The following SRGAP3 variants were observed in gnomAD, a reference collection of about 807,000 sequenced individuals.
SRGAP3 encodes SLIT-ROBO Rho GTPase-activating protein 3.
SRGAP3 carries 39 observed loss-of-function variants against 121.1 expected under a neutral mutation model. That is an observed-to-expected ratio of 0.32 (90% confidence interval 0.25 to 0.42). SRGAP3 has a LOEUF of 0.42. Among genes scored for constraint, SRGAP3 ranks in the 10% least tolerant of loss-of-function variants. The pLI is 1.00. For synonymous variants in SRGAP3, 601 were observed against 570.0 expected, an observed-to-expected ratio of 1.05 and a Z score of -0.77; for missense variants, 1,213 against 1,470.6, an observed-to-expected ratio of 0.82 and a Z score of 2.86.
rs1469603749 is a variant in SRGAP3, at chr3:9,053,241, G to T, written c.1126-17C>A. 2 of 1,610,904 alleles carry T rather than the reference G, an allele frequency of 1.2e-6. No individual in the cohort carries two copies. The highest frequency in any genetic ancestry group is 8.5e-7 in the Non-Finnish European group (1 of 1,178,310). On this transcript the variant is annotated splice_polypyrimidine_tract_variant and intron_variant, in intron 8 of 21. Transcript: ENST00000383836. ...TTTCCTAACCTGGGGAAACACAGCA[G>T]ATTGACAAAAATCCTGTATTCTCAT...
chr3:9,205,337 T>C (rs1204199423), intron 1 of SRGAP3, among the ~76,000 whole-genome samples: 1 of 152,270 alleles, frequency 6.6e-6, no homozygotes, highest in African/African-American at 2.4e-5. Context: ...TTATTTGTAT[T>C]AAGTTCTCAG....
chr3:9,120,141 A>T (rs1237222663), intron 2 of SRGAP3, among the ~76,000 whole-genome samples: 1 of 152,246 alleles, frequency 6.6e-6, no homozygotes, highest in African/African-American at 2.4e-5. Context: ...TCACCACAGC[A>T]GGAACCAAGT....
intron 1 of SRGAP3, chr3:9,349,178 A>T: frequency 1.4e-6 from 1 of 721,404 alleles, no homozygotes. Context: ...TGCCCAGGGT[A>T]AGGCCAAGAA....
chr3:9,217,328 CT>C (rs1468203555), intron 1 of SRGAP3: 1 of 152,144 alleles, frequency 6.6e-6, no homozygotes, highest in Non-Finnish European at 1.5e-5. Flanking sequence ...AATTTAACTA[CT>C]TTAACTATTA....
intron 4 of SRGAP3, among the ~76,000 whole-genome samples, chr3:9,068,519 A>G (rs1292383405): frequency 6.6e-6 from 1 of 152,148 alleles, no homozygotes; most frequent in African/African-American, 2.4e-5. Context: ...GATCTACTCG[A>G]TTCCTGATTC....
chr3:9,033,022 G>A (rs1944570603), intron 11 of SRGAP3, among the ~76,000 whole-genome samples: 1 of 152,166 alleles, frequency 6.6e-6, no homozygotes. Flanking sequence ...ACATGTGCAA[G>A]AAACCACTGA....
At chr3:9,138,931 A>ACTT (rs879369935) in intron 1 of SRGAP3, among the ~76,000 whole-genome samples, 3,001 of 152,288 alleles carry the variant, frequency 0.02, 90 homozygotes, top group African/African-American at 0.065. Flanking sequence ...TCAGATAAGG[A>ACTT]ATACTCAACC....
At chr3:9,354,630 C>T (rs2030391668) in intron 1 of SRGAP3, among the ~76,000 whole-genome samples, 1 of 145,208 alleles carries the variant, frequency 6.9e-6, no homozygotes, top group Admixed American at 7.1e-5. Context: ...TGCAGTGAGC[C>T]GAGATTGCGC....
chr3:9,341,938 T>C (rs534143938), intron 1 of SRGAP3, among the ~76,000 whole-genome samples: 1 of 152,292 alleles, frequency 6.6e-6, no homozygotes, highest in Non-Finnish European at 1.5e-5. Flanking sequence ...ACCCTACAGA[T>C]CACTGACTCA....
intron 1 of SRGAP3, among the ~76,000 whole-genome samples, chr3:9,163,398 G>A (rs1258171095): frequency 6.6e-6 from 1 of 152,208 alleles, no homozygotes; most frequent in African/African-American, 2.4e-5. Context: ...TCAAAAACAA[G>A]CAGACGGTGC....
At chr3:9,308,592 T>C (rs1453500483) in intron 3 of SRGAP3, among the ~76,000 whole-genome samples, 1 of 152,176 alleles carries the variant, frequency 6.6e-6, no homozygotes, top group African/African-American at 2.4e-5. Context: ...AAAATGTGTA[T>C]ATAGGTGGAA....
intron 5 of SRGAP3, among the ~76,000 whole-genome samples, chr3:9,062,084 AC>A (rs34900465): frequency 0.67 from 101,592 of 152,004 alleles, 34,201 homozygotes; most frequent in Middle Eastern, 0.74. Flanking sequence ...CATGCACCTG[AC>A]CCCCCACAGA....
rs549056496 is a variant in SRGAP3 at position 9,096,350 on chromosome 3, A to G, written c.423+8330T>C. Among the ~76,000 whole-genome samples the G allele has an allele frequency of 2.2e-4, 33 of 152,290 alleles. No homozygotes were observed. The South Asian group carries it at 5.2e-3, about 24-fold the overall frequency. On this transcript the variant is annotated intron_variant, in intron 3 of 21. Coordinates refer to ENST00000383836, the MANE Select transcript of SRGAP3 (RefSeq NM_014850.4). ...CTAATTTGTAGCCTCAATGGCATCAATTTTCAATTATTCTCGTTTTCTAAT... is the reference window on the plus strand; with the variant it reads ...CTAATTTGTAGCCTCAATGGCATCAGTTTTCAATTATTCTCGTTTTCTAAT...
intron 11 of SRGAP3, chr3:9,036,962 G>A (rs542397753): frequency 6.6e-6 from 1 of 152,280 alleles, no homozygotes; most frequent in South Asian, 2.1e-4. Flanking sequence ...AGAGCCCAGA[G>A]GAACAGCTGT....
intron 1 of SRGAP3, among the ~76,000 whole-genome samples, chr3:9,352,703 C>T (rs145079943): frequency 6.6e-6 from 1 of 152,212 alleles, no homozygotes; most frequent in Non-Finnish European, 1.5e-5. Context: ...AGCTCTGCAG[C>T]TGGGGTCAGG....
At chr3:9,304,562 C>T (rs374251132) in intron 3 of SRGAP3, among the ~76,000 whole-genome samples, 8 of 152,278 alleles carry the variant, frequency 5.3e-5, no homozygotes, top group East Asian at 1.9e-4. Context: ...TTTACTCTGA[C>T]GCCCAGGTTC....
intron 14 of SRGAP3, among the ~76,000 whole-genome samples, chr3:9,024,226 T>C (rs1041636939): frequency 1.1e-4 from 17 of 152,090 alleles, no homozygotes; most frequent in Non-Finnish European, 2.9e-5. Context: ...AGGCAGTAAA[T>C]CAGAGTTGAG....
intron 3 of SRGAP3, among the ~76,000 whole-genome samples, chr3:9,083,175 TC>T (rs1205186399): frequency 2.0e-5 from 3 of 152,172 alleles, no homozygotes; most frequent in African/African-American, 4.8e-5. Flanking sequence ...CACTGCTGAC[TC>T]CAGATTCTCT....
intron 1 of SRGAP3, among the ~76,000 whole-genome samples, chr3:9,125,631 G>A (rs1480501656): frequency 6.6e-6 from 1 of 152,194 alleles, no homozygotes; most frequent in African/African-American, 2.4e-5. Context: ...CGCAACCAGG[G>A]CAACAATTCA....
Sources: gnomAD v4.1 joint callset for allele counts (sites outside exome capture counted in the v4.1 genomes callset) on GRCh38, gnomAD v4.1.1 for gene constraint, MANE v1.5 for transcripts, NCBI Gene and HGNC (gene_info 2026-07-23, HGNC 2026-07-21) for gene names.